TRIM9: variants seen among roughly 807,000 people sequenced by gnomAD.
The protein encoded by TRIM9 is E3 ubiquitin-protein ligase TRIM9.
A neutral mutation model predicts 78.3 loss-of-function variants in TRIM9; 26 were observed. The observed-to-expected ratio is 0.33, with a 90% confidence interval of 0.24 to 0.46. The LOEUF is 0.46. TRIM9 is among the 20% of genes least tolerant of loss of function. The pLI, the probability that TRIM9 is intolerant of heterozygous loss-of-function variation, is 1.00. For synonymous variants in TRIM9, 398 were observed against 416.5 expected (o/e 0.96, Z 0.54); for missense variants, 787 against 1,036.4 (o/e 0.76, Z 3.30).
rs35285847 is a variant in TRIM9, at chr14:51,083,586, C to T, written c.822+10532G>A. Reference sequence around the variant, plus strand: ...ATACTTTGCAGCAGCATTCTTCACACGTCTGTGGAGTTAAGATGCTTGCAT... The same window carrying T: ...ATACTTTGCAGCAGCATTCTTCACATGTCTGTGGAGTTAAGATGCTTGCAT... On this transcript the variant is annotated intron_variant, in intron 1 of 12. Coordinates refer to ENST00000684578, the MANE Select transcript of TRIM9 (RefSeq NM_001387360.1). 6.6e-3 allele frequency among the ~76,000 whole-genome samples: 1,002 copies of T among 152,230 alleles called. 2 individuals carry two copies. The highest frequency in any genetic ancestry group is 0.011 in the Non-Finnish European group (719 of 68,032).
intron 1 of TRIM9, among the ~76,000 whole-genome samples, chr14:51,077,320 G>A (rs2062868994): frequency 6.6e-6 from 1 of 150,704 alleles, no homozygotes; most frequent in Admixed American, 6.6e-5. Context: ...GTGTTTTAAG[G>A]TTTGAGGTAA....
intron 11 of TRIM9, among the ~76,000 whole-genome samples, chr14:50,981,164 A>C (rs1278661780): frequency 6.6e-6 from 1 of 152,204 alleles, no homozygotes; most frequent in African/African-American, 2.4e-5. Flanking sequence ...AATGATCTAT[A>C]TTTTGGTGGT....
chr14:51,035,176 C>A (rs994593076), intron 1 of TRIM9, among the ~76,000 whole-genome samples: 3 of 152,132 alleles, frequency 2.0e-5, no homozygotes, highest in Non-Finnish European at 2.9e-5. Flanking sequence ...ATTATCAAGG[C>A]TATTCGTAGT....
At position 50,982,106 on chromosome 14, in the gene TRIM9, G is replaced by A; in HGVS notation, c.1859-3C>T. ...AGGGTCGAAAGCAAACCAGGCCACT[G>A]GGAACAACAGAAGGGAATCAGGTTA... On this transcript the variant is annotated splice_polypyrimidine_tract_variant and splice_region_variant and intron_variant, in intron 10 of 12. Coordinates refer to ENST00000684578, the MANE Select transcript of TRIM9 (RefSeq NM_001387360.1). The A allele has an allele frequency of 2.5e-6, 4 of 1,613,432 alleles. No individual in the cohort carries two copies. Among genetic ancestry groups the A allele is most frequent in the Non-Finnish European group, 3.4e-6 (4 of 1,179,488 alleles).
At chr14:51,086,616 G>A (rs2063776112) in intron 1 of TRIM9, among the ~76,000 whole-genome samples, 1 of 152,174 alleles carries the variant, frequency 6.6e-6, no homozygotes, top group Admixed American at 6.5e-5. Flanking sequence ...TGAGTTATTA[G>A]GGTTCAGTGG....
At chr14:50,984,981 C>T (rs1017113564) in intron 8 of TRIM9, among the ~76,000 whole-genome samples, 6 of 152,220 alleles carry the variant, frequency 3.9e-5, no homozygotes, top group Non-Finnish European at 7.3e-5. Context: ...CCTTTTTGCA[C>T]TGTCATGCTG....
chr14:51,052,080 A>G (rs1382401948), intron 1 of TRIM9, among the ~76,000 whole-genome samples: 1 of 152,012 alleles, frequency 6.6e-6, no homozygotes, highest in Non-Finnish European at 1.5e-5. Context: ...GAGAAGAGAG[A>G]AAAGAAAAGA....
At chr14:50,993,357 T>C (rs12431974) in intron 7 of TRIM9, among the ~76,000 whole-genome samples, 50,523 of 151,738 alleles carry the variant, frequency 0.33, 8,926 homozygotes, top group Middle Eastern at 0.4. Context: ...AACGCTACTC[T>C]TTTCAACAAG....
At chr14:51,084,976 C>G (rs148590109) in intron 1 of TRIM9, among the ~76,000 whole-genome samples, 2 of 152,212 alleles carry the variant, frequency 1.3e-5, no homozygotes, top group Non-Finnish European at 2.9e-5. Flanking sequence ...CTGCTCTAGA[C>G]AGAAAGTGTT....
At chr14:51,086,445 T>A (rs944257579) in intron 1 of TRIM9, among the ~76,000 whole-genome samples, 1 of 152,230 alleles carries the variant, frequency 6.6e-6, no homozygotes, top group Non-Finnish European at 1.5e-5. Flanking sequence ...AATTTAATGA[T>A]TACTGTCAGG....
intron 6 of TRIM9, among the ~76,000 whole-genome samples, chr14:50,999,054 G>C (rs1460729142): frequency 6.6e-6 from 1 of 152,130 alleles, no homozygotes; most frequent in African/African-American, 2.4e-5. Context: ...ACGTGCATAT[G>C]AATCACCTGA....
intron 1 of TRIM9, among the ~76,000 whole-genome samples, chr14:51,030,697 A>G (rs966064169): frequency 3.9e-5 from 6 of 152,048 alleles, no homozygotes; most frequent in African/African-American, 1.4e-4. Context: ...GTGTATGTGT[A>G]TGTATGTGAT....
intron 5 of TRIM9, among the ~76,000 whole-genome samples, chr14:51,007,800 CAA>C (rs3029461): frequency 0.38 from 49,942 of 132,712 alleles, 8,980 homozygotes; most frequent in Non-Finnish European, 0.42. Context: ...CATATTAAAC[CAA>C]AAAAAAAAAA....
chr14:51,035,042 TGAAAA>T (rs138845267), intron 1 of TRIM9, among the ~76,000 whole-genome samples: 29,713 of 151,962 alleles, frequency 0.2, 3,260 homozygotes, highest in Non-Finnish European at 0.25. Context: ...ACACATTAAG[TGAAAA>T]GAACAGATTT....
chr14:50,983,312 T>C, intron 9 of TRIM9, 68 bp downstream of exon 9: 8 of 1,322,786 alleles, frequency 6.0e-6, no homozygotes, highest in Non-Finnish European at 8.3e-6. Context: ...TTGCCGCCAT[T>C]TATTTTGTGA....
At chr14:51,091,601 G>C (rs756636977) in intron 1 of TRIM9, among the ~76,000 whole-genome samples, 1 of 152,182 alleles carries the variant, frequency 6.6e-6, no homozygotes, top group African/African-American at 2.4e-5. Context: ...AGTAAATAAG[G>C]TGGGGGAGTA....
At chr14:51,081,837 G>A (rs940758208) in intron 1 of TRIM9, among the ~76,000 whole-genome samples, 7 of 152,182 alleles carry the variant, frequency 4.6e-5, no homozygotes, top group African/African-American at 1.4e-4. Context: ...AAGGTACTAG[G>A]GGAAGGGTGG....
intron 12 of TRIM9, among the ~76,000 whole-genome samples, chr14:50,978,471 C>A (rs951883035): frequency 6.6e-6 from 1 of 152,220 alleles, no homozygotes; most frequent in Non-Finnish European, 1.5e-5. Flanking sequence ...CAAGGCCCCT[C>A]ATGCCTTAGA....
chr14:51,055,088 C>T (rs969307556), intron 1 of TRIM9, among the ~76,000 whole-genome samples: 2 of 152,176 alleles, frequency 1.3e-5, no homozygotes, highest in Admixed American at 1.3e-4. Flanking sequence ...TCCCAAAGTG[C>T]TGGGATTACA....
Sources: allele counts gnomAD v4.1 joint callset (sites outside exome capture counted in the v4.1 genomes callset), GRCh38; gene constraint gnomAD v4.1.1; transcripts MANE v1.5; gene names NCBI Gene and HGNC (gene_info 2026-07-23, HGNC 2026-07-21).